Variants in EML4 observed in about 807,000 individuals in gnomAD.
EML4 encodes the protein EMAP like 4.
In EML4, 72 loss-of-function variants were observed where a neutral mutation model predicts 129.0. The observed-to-expected ratio is 0.56, with a 90% CI of 0.46 to 0.68. The LOEUF (loss-of-function observed/expected upper bound fraction) is 0.68. Among genes scored for constraint, EML4 ranks in the 30% least tolerant of loss-of-function variants. EML4 has a pLI of 0.00. For missense variants in EML4, 1,363 were observed against 1,190.6 expected, an observed-to-expected ratio of 1.14 and a Z score of -2.13; for synonymous variants, 532 against 405.0, an observed-to-expected ratio of 1.31 and a Z score of -3.77.
intron 1 of EML4, among the ~76,000 whole-genome samples, chr2:42,180,992 T>A (rs572360163): frequency 7.9e-5 from 12 of 152,334 alleles, no homozygotes; most frequent in African/African-American, 2.6e-4. Context: ...ATTATGCAAT[T>A]TTGGGAGAAA....
chr2:42,328,403 C>T (rs1490508276), intron 21 of EML4, among the ~76,000 whole-genome samples: 1 of 152,200 alleles, frequency 6.6e-6, no homozygotes, highest in African/African-American at 2.4e-5. Flanking sequence ...AGTGGATGGC[C>T]TATGCTTTCT....
At position 42,213,636 on chromosome 2, in the gene EML4, C is replaced by A. The variant is rs76543409; in HGVS notation, c.26-31869C>A. ...TCAACTTTGTTAGCCTGTTGTCTCCCTTTTTCTTTTTCGCAGCAGCGATAT... is the reference window on the plus strand; with the variant it reads ...TCAACTTTGTTAGCCTGTTGTCTCCATTTTTCTTTTTCGCAGCAGCGATAT... On this transcript the variant is annotated intron_variant, in intron 1 of 22. Coordinates refer to ENST00000318522, the MANE Select transcript of EML4 (RefSeq NM_019063.5). 6.3e-4 allele frequency among the ~76,000 whole-genome samples: 96 copies of A among 152,300 alleles called. 1 individual carries two copies. The East Asian group carries it at 0.011, about 18-fold the overall frequency.
intron 1 of EML4, among the ~76,000 whole-genome samples, chr2:42,214,604 C>G (rs958695518): frequency 4.6e-5 from 7 of 152,090 alleles, no homozygotes; most frequent in African/African-American, 1.7e-4. Context: ...TTGTTATATC[C>G]AGCATTATTG....
Position 42,282,911 on chromosome 2 carries a change from C to G in EML4, c.880C>G (p.Leu294Val), listed in dbSNP as rs746896003. 1.1e-5 allele frequency: 17 copies of G among 1,612,206 alleles called. No homozygotes were observed. The highest frequency in any genetic ancestry group is 1.4e-5 in the Non-Finnish European group (17 of 1,178,430). ...IVYFIASVVVLFNYEERTQRH... is the reference protein window; with the variant it reads ...IVYFIASVVVVFNYEERTQRH... ...TTATTTCATTGCATCAGTAGTAGTA[C>G]TATTTAATTATGAGGAGAGAACTCA... Residue 294 changes from leucine to valine, a missense_variant, in exon 8 of 23, where the codon CTA becomes GTA. Physicochemically the swap from Leu to Val is conservative, Grantham distance 32 (BLOSUM62 1). Transcript: ENST00000318522.
At chr2:42,280,539 T>G (rs1023264581) in intron 6 of EML4, among the ~76,000 whole-genome samples, 3 of 152,216 alleles carry the variant, frequency 2.0e-5, no homozygotes, top group Non-Finnish European at 4.4e-5. Context: ...AACAACTATT[T>G]ACATAGCATT....
At chr2:42,282,774 C>G (rs1457573957) in intron 7 of EML4, 49 bp from the exon 8 acceptor site, 10 of 1,539,394 alleles carry the variant, frequency 6.5e-6, no homozygotes, top group South Asian at 1.1e-5. Flanking sequence ...AATCTGTTAA[C>G]AACTTGAAAA....
chr2:42,181,111 A>G (rs1670912171), intron 1 of EML4, among the ~76,000 whole-genome samples: 2 of 152,206 alleles, frequency 1.3e-5, no homozygotes, highest in African/African-American at 2.4e-5. Flanking sequence ...GGTGTCTGCT[A>G]GACTTGCCCA....
At chr2:42,310,175 T>G (rs1360679682) in intron 17 of EML4, among the ~76,000 whole-genome samples, 1 of 152,218 alleles carries the variant, frequency 6.6e-6, no homozygotes, top group Non-Finnish European at 1.5e-5. Flanking sequence ...CTTTGAATTC[T>G]GTTCCATAAA....
intron 1 of EML4, among the ~76,000 whole-genome samples, chr2:42,171,362 T>A (rs1226967123): frequency 6.6e-6 from 1 of 152,254 alleles, no homozygotes. Flanking sequence ...TTCTTTCGTG[T>A]TGGCTCTAAA....
chr2:42,295,081 A>G, intron 11 of EML4, 44 bp from the exon 12 acceptor site: 2 of 1,522,836 alleles, frequency 1.3e-6, no homozygotes, highest in African/African-American at 1.4e-5. Flanking sequence ...CTTGAAGGAG[A>G]TAAGGATATA....
chr2:42,215,918 C>T (rs961804172), intron 1 of EML4, among the ~76,000 whole-genome samples: 1 of 149,756 alleles, frequency 6.7e-6, no homozygotes, highest in African/African-American at 2.5e-5. Flanking sequence ...ACTCATTTAT[C>T]TTTTTTTTTT....
chr2:42,325,802 A>C (rs565904588), intron 20 of EML4, among the ~76,000 whole-genome samples: 2 of 150,690 alleles, frequency 1.3e-5, no homozygotes, highest in South Asian at 4.2e-4. Flanking sequence ...TAATGAATTA[A>C]TGTTAATAGT....
At chr2:42,215,549 CAAAA>C (rs879474966) in intron 1 of EML4, among the ~76,000 whole-genome samples, 1 of 142,760 alleles carries the variant, frequency 7.0e-6, no homozygotes, top group African/African-American at 2.6e-5. Flanking sequence ...GTTTAAGAAG[CAAAA>C]AAAAAAAATT....
chr2:42,289,649 C>T (rs1667511900), intron 11 of EML4: 1 of 152,176 alleles, frequency 6.6e-6, no homozygotes, highest in South Asian at 2.1e-4. Context: ...GAAACTTGGA[C>T]ATCATTCATG....
At chr2:42,198,169 A>G (rs1202511643) in intron 1 of EML4, among the ~76,000 whole-genome samples, 3 of 152,146 alleles carry the variant, frequency 2.0e-5, no homozygotes, top group Admixed American at 2.0e-4. Context: ...GCTTGCTCCT[A>G]CCAGAACTTC....
intron 11 of EML4, 111 bp from the exon 12 acceptor site, chr2:42,295,014 C>T (rs1351599694): frequency 8.5e-6 from 8 of 943,274 alleles, no homozygotes; most frequent in East Asian, 5.4e-5. Context: ...GAAGAAGAGG[C>T]ATTTTCTCAA....
At chr2:42,298,416 A>G (rs757468989) in intron 13 of EML4, among the ~76,000 whole-genome samples, 13 of 152,152 alleles carry the variant, frequency 8.5e-5, no homozygotes, top group Non-Finnish European at 1.0e-4. Flanking sequence ...TAATTCAAGG[A>G]TAATTATTTT....
intron 1 of EML4, among the ~76,000 whole-genome samples, chr2:42,197,267 T>C (rs1671947351): frequency 6.6e-6 from 1 of 152,118 alleles, no homozygotes; most frequent in African/African-American, 2.4e-5. Flanking sequence ...TTTTGCCATA[T>C]TCCCAGGCTG....
intron 2 of EML4, among the ~76,000 whole-genome samples, chr2:42,254,645 A>G (rs1261811421): frequency 6.6e-6 from 1 of 151,596 alleles, no homozygotes; most frequent in Non-Finnish European, 1.5e-5. Flanking sequence ...CCTGAAAATA[A>G]CAAGTGTTGG....
Sources: gnomAD v4.1 joint callset for allele counts (sites outside exome capture counted in the v4.1 genomes callset) on GRCh38, gnomAD v4.1.1 for gene constraint, MANE v1.5 for transcripts, NCBI Gene and HGNC (gene_info 2026-07-23, HGNC 2026-07-21) for gene names.